The following UBAC1 variants were observed in gnomAD, a reference collection of about 807,000 sequenced individuals.
UBAC1 encodes the protein ubiquitin-associated domain-containing protein 1.
Under a neutral mutation model 45.9 loss-of-function variants are expected in UBAC1, and 27 were observed. That is an observed-to-expected ratio of 0.59 (90% CI 0.43 to 0.81). The LOEUF is 0.81. UBAC1 is among the 30% of genes least tolerant of loss of function. UBAC1 has a pLI of 0.00. For missense variants in UBAC1, 529 were observed against 539.2 expected (o/e 0.98, Z 0.19); for synonymous variants, 227 against 215.5 (o/e 1.05, Z -0.47).
rs766262091 is a variant in UBAC1 at position 135,946,423 on chromosome 9, T to C, written c.442-52A>G. On this transcript the variant is annotated intron_variant, in intron 4 of 9. Coordinates refer to ENST00000371756, the MANE Select transcript of UBAC1 (RefSeq NM_016172.3). ...TCTCTAAATGTCCACCAAACCTACT[T>C]GGATCTATGACTTGCTCCCCTGTCC... 2.6e-6 allele frequency: 3 copies of C among 1,170,122 alleles called. No homozygotes were observed. The South Asian group carries it at 3.7e-5, about 14-fold the overall frequency. 72.5% of individuals were successfully genotyped at this position (1,170,122 alleles called of 1,614,324 possible).
At chr9:135,936,209 T>C (rs1373285375) in intron 9 of UBAC1, among the ~76,000 whole-genome samples, 1 of 151,814 alleles carries the variant, frequency 6.6e-6, no homozygotes, top group Non-Finnish European at 1.5e-5. Flanking sequence ...AAAAAGTTAT[T>C]GGACAGACCC....
intron 3 of UBAC1, chr9:135,948,123 G>A (rs1839360733): frequency 4.0e-6 from 2 of 504,060 alleles, no homozygotes; most frequent in South Asian, 2.9e-5. Flanking sequence ...AAATAAGAGT[G>A]AAGCGGTAGG....
At chr9:135,954,764 C>T (rs955182488) in intron 2 of UBAC1, among the ~76,000 whole-genome samples, 5 of 152,234 alleles carry the variant, frequency 3.3e-5, no homozygotes, top group African/African-American at 1.2e-4. Flanking sequence ...CCATCCCCCA[C>T]TGGCTTGGAG....
chr9:135,947,312 T>C (rs1839350523), intron 4 of UBAC1, among the ~76,000 whole-genome samples: 1 of 152,224 alleles, frequency 6.6e-6, no homozygotes, highest in South Asian at 2.1e-4. Context: ...AGTACGATGA[T>C]GCAATCTCGG....
At position 135,946,317 on chromosome 9, in the gene UBAC1, G is replaced by C. The variant is rs764311518; in HGVS notation, c.496C>G (p.Leu166Val). The C allele has an allele frequency of 6.2e-7, 1 of 1,614,106 alleles. No individual in the cohort carries two copies. Among genetic ancestry groups the C allele is most frequent in the South Asian group, 1.1e-5 (1 of 91,088 alleles). ...ACTGCATCTGGGTTCAGCGCTAACA[G>C]CTTCTGCGCCACCTCGATGAGAGAC... ...LVSLIEVAQK[L>V]LALNPDAVEL... The change falls in exon 5 of 10, where the codon CTG becomes GTG. Residue 166 changes from leucine to valine, a missense_variant. Transcript: ENST00000371756.
intron 5 of UBAC1, 86 bp from the exon 6 acceptor site, chr9:135,946,083 T>C: frequency 5.2e-6 from 7 of 1,344,534 alleles, no homozygotes; most frequent in Non-Finnish European, 7.4e-6. Flanking sequence ...CAATTATCTG[T>C]CTGAGCTCCA....
At chr9:135,958,976 T>C (rs1839499685) in intron 1 of UBAC1, among the ~76,000 whole-genome samples, 1 of 152,194 alleles carries the variant, frequency 6.6e-6, no homozygotes, top group Non-Finnish European at 1.5e-5. Flanking sequence ...CAACACCAAA[T>C]GGAATAATAT....
chr9:135,951,030 A>G (rs955467917), intron 3 of UBAC1, among the ~76,000 whole-genome samples: 3 of 152,044 alleles, frequency 2.0e-5, no homozygotes, highest in Non-Finnish European at 4.4e-5. Flanking sequence ...CCCAGGAGGC[A>G]GAGGCTGCAG....
In UBAC1 at chr9:135,933,383, G is replaced by A. The variant is rs754445931; in HGVS notation, c.*17C>T. On this transcript the variant is annotated 3_prime_UTR_variant, in exon 10 of 10. Transcript: ENST00000371756. Reference sequence around the variant, plus strand: ...AGGGGGCTGCTGTGGCCTGATAGCCGAGTGGAACAACGCCACCTACGTGCG... The same window carrying A: ...AGGGGGCTGCTGTGGCCTGATAGCCAAGTGGAACAACGCCACCTACGTGCG... The A allele has an allele frequency of 3.3e-5, 53 of 1,608,054 alleles. No homozygotes were observed. Among genetic ancestry groups the A allele is most frequent in the South Asian group, 1.5e-4 (14 of 90,956 alleles).
chr9:135,948,496 G>C (rs2131089388), intron 3 of UBAC1, among the ~76,000 whole-genome samples: 1 of 152,376 alleles, frequency 6.6e-6, no homozygotes, highest in East Asian at 1.9e-4. Flanking sequence ...AGGGGACAAG[G>C]AGCGAGCCTC....
intron 7 of UBAC1, among the ~76,000 whole-genome samples, chr9:135,943,516 A>T (rs1839292348): frequency 6.6e-6 from 1 of 152,250 alleles, no homozygotes; most frequent in South Asian, 2.1e-4. Flanking sequence ...GTGGGAATGT[A>T]AATTAGTTCA....
chr9:135,958,624 T>C (rs1017647447), intron 1 of UBAC1, among the ~76,000 whole-genome samples: 3 of 152,298 alleles, frequency 2.0e-5, no homozygotes, highest in Middle Eastern at 3.4e-3. Flanking sequence ...CAGCACGCAC[T>C]GGGGACCTGG....
chr9:135,956,537 G>C (rs755454900), intron 1 of UBAC1, among the ~76,000 whole-genome samples: 2 of 152,148 alleles, frequency 1.3e-5, no homozygotes, highest in Middle Eastern at 3.4e-3. Context: ...AGAGCTCCAC[G>C]ACTCCACTCT....
intron 5 of UBAC1, 86 bp from the exon 6 acceptor site, chr9:135,946,083 T>A: frequency 7.4e-7 from 1 of 1,344,534 alleles, no homozygotes; most frequent in Non-Finnish European, 1.1e-6. Flanking sequence ...CAATTATCTG[T>A]CTGAGCTCCA....
chr9:135,945,566 A>C (rs1264863728), intron 6 of UBAC1: 9 of 504,108 alleles, frequency 1.8e-5, no homozygotes, highest in Non-Finnish European at 3.5e-6. Context: ...CGGATTATTC[A>C]TTTTAGATCT....
chr9:135,946,453 A>C (rs1333348820), intron 4 of UBAC1, 82 bp from the exon 5 acceptor site: 2 of 896,312 alleles, frequency 2.2e-6, no homozygotes, highest in Non-Finnish European at 3.7e-6. Context: ...CTGTCCTAGA[A>C]CTCTTGATTC....
At chr9:135,951,706 A>G (rs1839407345) in intron 3 of UBAC1, among the ~76,000 whole-genome samples, 2 of 152,068 alleles carry the variant, frequency 1.3e-5, no homozygotes, top group Non-Finnish European at 2.9e-5. Context: ...GCTACTTGGG[A>G]GGCTGAGGCA....
chr9:135,944,631 C>T (rs578021081), intron 7 of UBAC1, among the ~76,000 whole-genome samples: 1 of 152,314 alleles, frequency 6.6e-6, no homozygotes, highest in South Asian at 2.1e-4. Context: ...CCCCCGACGG[C>T]AAATGACCCT....
chr9:135,960,923 G>A, intron 1 of UBAC1, 102 bp downstream of exon 1: 1 of 1,098,440 alleles, frequency 9.1e-7, no homozygotes, highest in Non-Finnish European at 1.2e-6. Context: ...TGCGGACTGG[G>A]CGGCGGACCC....
Sources: gnomAD v4.1 joint callset for allele counts (sites outside exome capture counted in the v4.1 genomes callset) on GRCh38, gnomAD v4.1.1 for gene constraint, MANE v1.5 for transcripts, NCBI Gene and HGNC (gene_info 2026-07-23, HGNC 2026-07-21) for gene names.